The following TBX15 variants were observed in gnomAD, a reference collection of about 807,000 sequenced individuals.
TBX15 encodes the protein T-box transcription factor TBX15.
A neutral mutation model predicts 53.9 loss-of-function variants in TBX15; 18 were observed. The ratio of observed to expected loss-of-function variants is 0.33; its 90% CI spans 0.23 to 0.49. TBX15 has a LOEUF of 0.49. Among genes scored for constraint, TBX15 ranks in the 20% least tolerant of loss-of-function variants. The pLI, the probability that TBX15 is intolerant of heterozygous loss-of-function variation, is 0.98. For synonymous variants in TBX15, 295 were observed against 278.0 expected, an observed-to-expected ratio of 1.06 and a Z score of -0.61; for missense variants, 692 against 749.5, an observed-to-expected ratio of 0.92 and a Z score of 0.90.
At chr1:118,891,297 C>T (rs186862464) in intron 7 of TBX15, among the ~76,000 whole-genome samples, 39 of 152,238 alleles carry the variant, frequency 2.6e-4, no homozygotes, top group African/African-American at 7.7e-4. Context: ...TGAGTGTCTC[C>T]GCTTCTTAGA....
At chr1:118,914,708 C>T (rs867131920) in intron 5 of TBX15, among the ~76,000 whole-genome samples, 1 of 152,290 alleles carries the variant, frequency 6.6e-6, no homozygotes, top group South Asian at 2.1e-4. Context: ...GCATGCCTTT[C>T]CTACCACTAG....
chr1:118,906,344 T>A (rs1654826431), intron 6 of TBX15, among the ~76,000 whole-genome samples: 1 of 152,150 alleles, frequency 6.6e-6, no homozygotes, highest in African/African-American at 2.4e-5. Flanking sequence ...CCCTTTCTCC[T>A]CCCACCCCCA....
intron 1 of TBX15, among the ~76,000 whole-genome samples, chr1:118,940,491 G>T (rs1656136243): frequency 6.6e-6 from 1 of 151,838 alleles, no homozygotes; most frequent in Non-Finnish European, 1.5e-5. Flanking sequence ...AATTTTTAAT[G>T]GAAGCATTGA....
intron 2 of TBX15, 56 bp downstream of exon 2, chr1:118,931,563 G>C (rs1571184812): frequency 1.3e-6 from 2 of 1,579,216 alleles, no homozygotes; most frequent in East Asian, 4.5e-5. Flanking sequence ...AGAATGTAAT[G>C]GCTCCTACTT....
intron 5 of TBX15, among the ~76,000 whole-genome samples, chr1:118,918,561 C>T (rs1220402188): frequency 1.3e-5 from 2 of 152,174 alleles, no homozygotes; most frequent in African/African-American, 4.8e-5. Flanking sequence ...CATGTCCAAA[C>T]TTTGTCCAGT....
At chr1:118,947,961 G>T (rs1415977141) in intron 1 of TBX15, among the ~76,000 whole-genome samples, 2 of 152,152 alleles carry the variant, frequency 1.3e-5, no homozygotes, top group Admixed American at 1.3e-4. Context: ...CCAGCATCTT[G>T]TTCCATGATC....
chr1:118,945,974 A>G (rs1656334247), intron 1 of TBX15, among the ~76,000 whole-genome samples: 1 of 152,348 alleles, frequency 6.6e-6, no homozygotes, highest in Admixed American at 6.5e-5. Context: ...CATATTCTAC[A>G]TATAATCAAC....
intron 7 of TBX15, among the ~76,000 whole-genome samples, chr1:118,893,356 G>GGAAGGAAGGAAAGAAA (rs1409523115): frequency 1.8e-4 from 9 of 51,058 alleles, no homozygotes; most frequent in African/African-American, 8.4e-4. Flanking sequence ...AAGGAAGGAA[G>GGAAGGAAGGAAAGAAA]GAAAGAAAGA....
chr1:118,985,261 C>T (rs571489865), intron 1 of TBX15, among the ~76,000 whole-genome samples: 5 of 152,278 alleles, frequency 3.3e-5, no homozygotes, highest in African/African-American at 4.8e-5. Flanking sequence ...CGGGAAGAGA[C>T]GCTGCCCTGG....
At chr1:118,953,519 A>G (rs1155948) in intron 1 of TBX15, among the ~76,000 whole-genome samples, 66,728 of 151,944 alleles carry the variant, frequency 0.44, 15,025 homozygotes, top group African/African-American at 0.52. Context: ...ATTATAAAAC[A>G]CATTTTAAAG....
In TBX15 at chr1:118,892,618, G is replaced by A. The variant is rs568337762; in HGVS notation, c.1024+6410C>T. ...GATCTTGTGGGAATAACATTAGGAT[G>A]CCCAGAATTAAGTGAAGTTTGTAGT... On this transcript the variant is annotated intron_variant, in intron 7 of 7. Coordinates refer to ENST00000369429, the MANE Select transcript of TBX15 (RefSeq NM_001330677.2). Among the ~76,000 whole-genome samples the A allele has an allele frequency of 5.5e-4, 84 of 152,246 alleles. 1 individual carries two copies. The highest frequency in any genetic ancestry group is 1.4e-3 in the Admixed American group (22 of 15,290).
chr1:118,899,420 A>G (rs1334030060), intron 6 of TBX15, among the ~76,000 whole-genome samples: 3 of 152,162 alleles, frequency 2.0e-5, no homozygotes, highest in Admixed American at 2.0e-4. Context: ...CATGGTAAGT[A>G]TTAAAGGTCA....
chr1:118,919,089 G>T (rs1038224990), intron 5 of TBX15, among the ~76,000 whole-genome samples: 1 of 152,160 alleles, frequency 6.6e-6, no homozygotes, highest in South Asian at 2.1e-4. Context: ...ACCTGGCTGT[G>T]GTTTCCAACT....
At chr1:118,963,355 CA>C (rs1301680214) in intron 1 of TBX15, among the ~76,000 whole-genome samples, 1 of 152,206 alleles carries the variant, frequency 6.6e-6, no homozygotes, top group African/African-American at 2.4e-5. Flanking sequence ...TCTTCCTAAA[CA>C]CTTTGTTTCA....
At chr1:118,920,165 A>G (rs1655376418) in intron 5 of TBX15, among the ~76,000 whole-genome samples, 1 of 152,168 alleles carries the variant, frequency 6.6e-6, no homozygotes, top group Non-Finnish European at 1.5e-5. Context: ...CATACTGTTT[A>G]TTTGTAAAAG....
intron 1 of TBX15, among the ~76,000 whole-genome samples, chr1:118,940,249 T>G (rs1343285386): frequency 6.6e-6 from 1 of 151,916 alleles, no homozygotes; most frequent in African/African-American, 2.4e-5. Flanking sequence ...GGCAGTTATA[T>G]TCAGGAATAT....
intron 1 of TBX15, among the ~76,000 whole-genome samples, chr1:118,977,849 C>A (rs753209398): frequency 1.3e-5 from 2 of 152,190 alleles, no homozygotes; most frequent in Non-Finnish European, 2.9e-5. Context: ...ATCAAGATCT[C>A]GGCTTAAGCA....
chr1:118,956,561 T>C (rs1001115921), intron 1 of TBX15, among the ~76,000 whole-genome samples: 1 of 152,156 alleles, frequency 6.6e-6, no homozygotes, highest in Non-Finnish European at 1.5e-5. Flanking sequence ...GAATTAAAAG[T>C]TCAAGAATGT....
chr1:118,983,656 G>C (rs371271464), intron 1 of TBX15, among the ~76,000 whole-genome samples: 1 of 152,208 alleles, frequency 6.6e-6, no homozygotes, highest in Non-Finnish European at 1.5e-5. Context: ...AAGTCCACCA[G>C]GCCTCACCCT....
Sources: gnomAD v4.1 joint callset for allele counts (sites outside exome capture counted in the v4.1 genomes callset) on GRCh38, gnomAD v4.1.1 for gene constraint, MANE v1.5 for transcripts, NCBI Gene and HGNC (gene_info 2026-07-23, HGNC 2026-07-21) for gene names.